Variants in CCDC171 observed in about 807,000 individuals in gnomAD.
The protein encoded by CCDC171 is coiled-coil domain-containing protein 171.
A neutral mutation model predicts 168.2 loss-of-function variants in CCDC171; 177 were observed. The ratio of observed to expected loss-of-function variants is 1.05; its 90% CI spans 0.93 to 1.19. The LOEUF is 1.19. Ranked by LOEUF, CCDC171 falls within the 50% of genes most tolerant of loss-of-function variation. The pLI, the probability that CCDC171 is intolerant of heterozygous loss-of-function variation, is 0.00. For synonymous variants in CCDC171, 687 were observed against 540.8 expected (o/e 1.27, Z -3.75); for missense variants, 1,991 against 1,539.0 (o/e 1.29, Z -4.91).
chr9:15,617,104 C>T (rs2044138940), intron 6 of CCDC171, among the ~76,000 whole-genome samples: 1 of 152,150 alleles, frequency 6.6e-6, no homozygotes, highest in Non-Finnish European at 1.5e-5. Context: ...CTTTTATCAA[C>T]GTTCTTAGCT....
chr9:15,877,059 A>G (rs1817939126), intron 24 of CCDC171, among the ~76,000 whole-genome samples: 2 of 152,262 alleles, frequency 1.3e-5, no homozygotes, highest in Non-Finnish European at 1.5e-5. Flanking sequence ...GAAGAGGATG[A>G]GTGGAGTACC....
chr9:15,634,861 T>G (rs992385525), intron 7 of CCDC171, among the ~76,000 whole-genome samples: 1 of 152,216 alleles, frequency 6.6e-6, no homozygotes, highest in African/African-American at 2.4e-5. Flanking sequence ...TAGATTTGCC[T>G]ATTCTAGACA....
intron 18 of CCDC171, among the ~76,000 whole-genome samples, chr9:15,765,861 T>G (rs1404508220): frequency 1.3e-5 from 2 of 152,072 alleles, no homozygotes; most frequent in Non-Finnish European, 2.9e-5. Flanking sequence ...TCTCCATAGG[T>G]CTTGTGTTTT....
chr9:15,679,746 G>A (rs557894440), intron 10 of CCDC171, among the ~76,000 whole-genome samples: 4 of 152,154 alleles, frequency 2.6e-5, no homozygotes, highest in South Asian at 2.1e-4. Flanking sequence ...ATGAGGTCTC[G>A]CTATGTTGGC....
chr9:15,905,450 A>G (rs1346406251), intron 24 of CCDC171, among the ~76,000 whole-genome samples: 1 of 152,172 alleles, frequency 6.6e-6, no homozygotes, highest in South Asian at 2.1e-4. Context: ...TGAGGGCAGA[A>G]ATAAAGATGT....
At chr9:15,664,462 T>C (rs2048567524) in intron 8 of CCDC171, among the ~76,000 whole-genome samples, 2 of 151,730 alleles carry the variant, frequency 1.3e-5, no homozygotes, top group Admixed American at 6.6e-5. Flanking sequence ...TTTCCCAGGC[T>C]GGTCTCAATC....
intron 7 of CCDC171, among the ~76,000 whole-genome samples, chr9:15,633,354 G>A (rs1024691568): frequency 2.6e-5 from 4 of 151,866 alleles, no homozygotes; most frequent in Non-Finnish European, 5.9e-5. Flanking sequence ...CATCAAAAAC[G>A]GGGCAAAGGA....
At chr9:15,837,850 A>T (rs568040471) in intron 21 of CCDC171, among the ~76,000 whole-genome samples, 1 of 152,338 alleles carries the variant, frequency 6.6e-6, no homozygotes, top group East Asian at 1.9e-4. Flanking sequence ...CCTTTTAGAA[A>T]GCCTTTTAGA....
chr9:15,906,507 T>C (rs1229182272), intron 24 of CCDC171, among the ~76,000 whole-genome samples: 3 of 152,320 alleles, frequency 2.0e-5, no homozygotes, highest in Non-Finnish European at 4.4e-5. Flanking sequence ...AAGTTAGGTA[T>C]TGATGGGACT....
chr9:16,071,064 G>A, the CCDC171 span, among the ~76,000 whole-genome samples: 1 of 152,176 alleles, frequency 6.6e-6, no homozygotes, highest in Non-Finnish European at 1.5e-5. Flanking sequence ...GAGATGAGAG[G>A]CTAAAAGCCT....
At chr9:16,099,181 G>T in the CCDC171 span, among the ~76,000 whole-genome samples, 3 of 152,108 alleles carry the variant, frequency 2.0e-5, no homozygotes. Flanking sequence ...GCTAATTCTT[G>T]GAGATTTAAT....
chr9:15,583,242 C>T (rs1221910193), intron 4 of CCDC171, among the ~76,000 whole-genome samples: 6 of 151,862 alleles, frequency 4.0e-5, no homozygotes. Flanking sequence ...TGGTGGAACC[C>T]CGTCTCTACT....
At chr9:15,838,946 C>T (rs2060562891) in intron 21 of CCDC171, among the ~76,000 whole-genome samples, 1 of 151,958 alleles carries the variant, frequency 6.6e-6, no homozygotes, top group South Asian at 2.1e-4. Context: ...TTAAGATCTA[C>T]AGGGAAAGTT....
At chr9:16,053,028 G>A (rs554211673) in intron 1 of CCDC171, among the ~76,000 whole-genome samples, 80 of 152,242 alleles carry the variant, frequency 5.3e-4, no homozygotes, top group African/African-American at 1.8e-3. Flanking sequence ...TTGCTGGAAC[G>A]GTAACATTTG....
chr9:15,812,374 G>C (rs945308885), intron 21 of CCDC171, among the ~76,000 whole-genome samples: 4 of 152,144 alleles, frequency 2.6e-5, no homozygotes, highest in African/African-American at 9.7e-5. Flanking sequence ...AGGAGTCTAG[G>C]TATATTGATT....
At chr9:16,073,979 C>G in the CCDC171 span, among the ~76,000 whole-genome samples, 2 of 152,170 alleles carry the variant, frequency 1.3e-5, no homozygotes, top group African/African-American at 2.4e-5. Context: ...GCCTCTAAGG[C>G]CAGAGCCCTT....
At position 15,623,320 on chromosome 9, in the gene CCDC171, A is replaced by G. The variant is rs772938660; in HGVS notation, c.729A>G (p.Thr243=). The G allele has an allele frequency of 1.2e-6, 2 of 1,604,720 alleles. No individual in the cohort carries two copies. Among genetic ancestry groups the G allele is most frequent in the South Asian group, 1.1e-5 (1 of 89,346 alleles). Residue 243 remains threonine, a synonymous_variant, in exon 7 of 26, where the codon ACA becomes ACG. Transcript: ENST00000380701. ...ATAAGAAAGTAGAAAAATTAGAAAC[A>G]GAACATATGGACTGCTCTGACCTTT... ...NMHKKVEKLE[T]EHMDCSDLLR...
At chr9:15,719,269 G>A (rs2053296564) in intron 11 of CCDC171, among the ~76,000 whole-genome samples, 1 of 151,696 alleles carries the variant, frequency 6.6e-6, no homozygotes, top group Non-Finnish European at 1.5e-5. Flanking sequence ...ACAGGTATTC[G>A]AAAATACACA....
chr9:15,608,529 T>G (rs540544429), intron 6 of CCDC171, among the ~76,000 whole-genome samples: 1 of 152,318 alleles, frequency 6.6e-6, no homozygotes, highest in East Asian at 1.9e-4. Flanking sequence ...TCATTCTTGC[T>G]TAAATTTCCA....
Sources: gnomAD v4.1 joint callset for allele counts (sites outside exome capture counted in the v4.1 genomes callset) on GRCh38, gnomAD v4.1.1 for gene constraint, MANE v1.5 for transcripts, NCBI Gene and HGNC (gene_info 2026-07-23, HGNC 2026-07-21) for gene names.